ZNRF1: variants seen among roughly 807,000 people sequenced by gnomAD.
ZNRF1 encodes the protein zinc and ring finger 1.
A neutral mutation model predicts 18.4 loss-of-function variants in ZNRF1; 3 were observed. The observed-to-expected ratio is 0.16, with a 90% CI of 0.07 to 0.42. The LOEUF (loss-of-function observed/expected upper bound fraction) is 0.42, where lower values mean the gene tolerates loss of function less well. Among genes scored for constraint, ZNRF1 ranks in the 10% least tolerant of loss-of-function variants. The pLI is 0.99. For missense variants in ZNRF1, 310 were observed against 329.8 expected (o/e 0.94, Z 0.47); for synonymous variants, 157 against 144.2 (o/e 1.09, Z -0.64).
intron 1 of ZNRF1, chr16:75,047,033 AAAGTGG>A (rs780652837): frequency 1.5e-4 from 23 of 152,288 alleles, no homozygotes; most frequent in Non-Finnish European, 2.9e-4. Flanking sequence ...GTGTATGTTA[AAAGTGG>A]ATATAATCTG....
intron 1 of ZNRF1, among the ~76,000 whole-genome samples, chr16:75,002,802 G>T (rs979320491): frequency 6.6e-6 from 1 of 152,196 alleles, no homozygotes; most frequent in Non-Finnish European, 1.5e-5. Context: ...ACTTCCCTGT[G>T]CTGTGACCCC....
chr16:75,040,598 G>GTTTT lies in ZNRF1; in HGVS notation c.424+40525_424+40528dup, dbSNP rs61513153. On this transcript the variant is annotated intron_variant, in intron 1 of 4. Coordinates refer to ENST00000335325, the MANE Select transcript of ZNRF1 (RefSeq NM_032268.5). ...ATGTTTTTGTTTTTGTTTTTTGTGG[G>GTTTT]TTTTTTTTTTTTTTTTTTTTTTTTT... Among the ~76,000 whole-genome samples, 234 of 46,382 alleles carry GTTTT rather than the reference G, an allele frequency of 5.0e-3. 9 individuals carry two copies. The highest frequency in any genetic ancestry group is 0.012 in the African/African-American group (153 of 12,582). 30.4% of individuals were successfully genotyped at this position (46,382 alleles called of 152,430 possible). A position where few individuals can be genotyped will look rare whatever the true frequency, so the allele number is the denominator to read the frequency against.
At position 75,093,462 on chromosome 16, in the gene ZNRF1, T is replaced by C. The variant is rs1047780603; in HGVS notation, c.425-110T>C. 4.3e-5 allele frequency: 32 copies of C among 742,280 alleles called. No individual in the cohort carries two copies. The South Asian group carries it at 4.4e-4, about 10-fold the overall frequency. The allele number at this position is 742,280 out of a possible 1,614,324, so 46.0% of individuals were successfully genotyped here. A position where few individuals can be genotyped will look rare whatever the true frequency, so the allele number is the denominator to read the frequency against. ...GGTCCAGGGTCTGTTCTGATGGTCA[T>C]CCTCCACATTGACCCTGAGCCCACA... On this transcript the variant is annotated intron_variant, in intron 1 of 4. Transcript: ENST00000335325.
At chr16:75,093,542 A>G in intron 1 of ZNRF1, 30 bp from the exon 2 acceptor site, 1 of 1,570,310 alleles carries the variant, frequency 6.4e-7, no homozygotes, top group Non-Finnish European at 8.8e-7. Context: ...ATCTGGAGAA[A>G]ACATTTCATC....
intron 1 of ZNRF1, among the ~76,000 whole-genome samples, chr16:75,059,229 C>CTTTTTTTTTTTTTCT (rs2035708911): frequency 7.5e-5 from 7 of 92,878 alleles, no homozygotes; most frequent in Admixed American, 1.4e-4. Context: ...TTCTTTCTTT[C>CTTTTTTTTTTTTTCT]TTTTTTTTTT....
chr16:75,018,443 A>G (rs190149706), intron 1 of ZNRF1, among the ~76,000 whole-genome samples: 2 of 152,226 alleles, frequency 1.3e-5, no homozygotes, highest in South Asian at 2.1e-4. Flanking sequence ...ATTGCTGGCT[A>G]GTTCCTCCAG....
chr16:75,065,786 C>T (rs949633649), intron 1 of ZNRF1, among the ~76,000 whole-genome samples: 10 of 152,116 alleles, frequency 6.6e-5, no homozygotes, highest in African/African-American at 9.7e-5. Flanking sequence ...GTCAGTATAT[C>T]GAAGTTTTAC....
At chr16:75,020,411 A>T (rs1231246807) in intron 1 of ZNRF1, among the ~76,000 whole-genome samples, 1 of 152,128 alleles carries the variant, frequency 6.6e-6, no homozygotes. Flanking sequence ...ATTGTGTATT[A>T]TCTTAATATC....
chr16:75,008,899 G>C (rs1036284619), intron 1 of ZNRF1, among the ~76,000 whole-genome samples: 1 of 152,042 alleles, frequency 6.6e-6, no homozygotes, highest in African/African-American at 2.4e-5. Context: ...TCTGGGTTGG[G>C]GCAGGTGATC....
At position 75,081,220 on chromosome 16, in the gene ZNRF1, T is replaced by C. The variant is rs187024304; in HGVS notation, c.425-12352T>C. 9.9e-5 allele frequency among the ~76,000 whole-genome samples: 15 copies of C among 152,194 alleles called. No individual in the cohort carries two copies. The East Asian group carries it at 2.5e-3, about 25-fold the overall frequency. On this transcript the variant is annotated intron_variant, in intron 1 of 4. Transcript: ENST00000335325. ...ACTCCAGGACTTGGAAAACAGTCTA[T>C]ATCCAGGGAAGAAGCTGCAAACAGG...
At chr16:75,063,668 G>C (rs547793031) in intron 1 of ZNRF1, among the ~76,000 whole-genome samples, 1 of 152,336 alleles carries the variant, frequency 6.6e-6, no homozygotes, top group East Asian at 1.9e-4. Flanking sequence ...TGAAGTTACT[G>C]TGTGAACTCT....
chr16:75,025,725 C>T (rs529080585), intron 1 of ZNRF1, among the ~76,000 whole-genome samples: 1 of 152,212 alleles, frequency 6.6e-6, no homozygotes, highest in African/African-American at 2.4e-5. Flanking sequence ...TCTGAAGAAT[C>T]TGAATGTGTC....
At chr16:75,053,769 T>G (rs2035635368) in intron 1 of ZNRF1, among the ~76,000 whole-genome samples, 3 of 152,150 alleles carry the variant, frequency 2.0e-5, no homozygotes, top group Admixed American at 2.0e-4. Flanking sequence ...AGAAAATGTC[T>G]TTTCAGTTTG....
chr16:75,002,813 C>T (rs1597850783), intron 1 of ZNRF1, among the ~76,000 whole-genome samples: 1 of 152,364 alleles, frequency 6.6e-6, no homozygotes, highest in East Asian at 1.9e-4. Flanking sequence ...CTGTGACCCC[C>T]ACGTATACCA....
At chr16:75,037,320 T>G (rs1435689141) in intron 1 of ZNRF1, among the ~76,000 whole-genome samples, 1 of 151,980 alleles carries the variant, frequency 6.6e-6, no homozygotes, top group African/African-American at 2.4e-5. Flanking sequence ...TTAATGTCAC[T>G]TGGTCTTCAC....
At chr16:75,058,623 C>CAGGA (rs1387446499) in intron 1 of ZNRF1, among the ~76,000 whole-genome samples, 1 of 152,154 alleles carries the variant, frequency 6.6e-6, no homozygotes, top group Non-Finnish European at 1.5e-5. Context: ...ACAGGGCTCC[C>CAGGA]AGGACTTGGG....
At position 75,110,728 on chromosome 16, in the gene ZNRF1, C is replaced by G. The variant is rs1294629674; in HGVS notation, c.*3028C>G. ...GGAAATGGTCATTTGCTGAGCGCCT[C>G]CTAGTTGCCAGGCACTGGAGGGCGC... On this transcript the variant is annotated 3_prime_UTR_variant, in exon 5 of 5. Transcript: ENST00000335325. 6.6e-6 allele frequency: 1 copy of G among 152,260 alleles called. No homozygotes were observed. The highest frequency in any genetic ancestry group is 1.5e-5 in the Non-Finnish European group (1 of 68,054). 9.4% of individuals were successfully genotyped at this position (152,260 alleles called of 1,614,324 possible).
At chr16:75,098,144 G>A (rs2036219910) in intron 2 of ZNRF1, among the ~76,000 whole-genome samples, 2 of 152,252 alleles carry the variant, frequency 1.3e-5, no homozygotes, top group Admixed American at 6.5e-5. Flanking sequence ...GCGAGGAGGG[G>A]CAGGTGACTG....
At chr16:75,025,216 C>T (rs1461953639) in intron 1 of ZNRF1, among the ~76,000 whole-genome samples, 1 of 151,970 alleles carries the variant, frequency 6.6e-6, no homozygotes, top group African/African-American at 2.4e-5. Flanking sequence ...TACAGGCGCC[C>T]GCCACCACAC....
Sources: allele counts gnomAD v4.1 joint callset (sites outside exome capture counted in the v4.1 genomes callset), GRCh38; gene constraint gnomAD v4.1.1; transcripts MANE v1.5; gene names NCBI Gene and HGNC (gene_info 2026-07-23, HGNC 2026-07-21).